DNAJB2: variants seen among roughly 807,000 people sequenced by gnomAD.
DNAJB2 encodes DnaJ heat shock protein family (Hsp40) member B2.
A neutral mutation model predicts 33.3 loss-of-function variants in DNAJB2; 19 were observed. The observed-to-expected ratio is 0.57, with a 90% CI of 0.40 to 0.84. The LOEUF (loss-of-function observed/expected upper bound fraction) is 0.84, where lower values mean the gene tolerates loss of function less well. Among genes scored for constraint, DNAJB2 ranks in the 40% least tolerant of loss-of-function variants. The probability of loss-of-function intolerance (pLI) is 0.00; values close to 1 mark genes in which losing one functional copy is unlikely to be tolerated. For missense variants in DNAJB2, 368 were observed against 430.9 expected, an observed-to-expected ratio of 0.85 and a Z score of 1.29; for synonymous variants, 172 against 164.6, an observed-to-expected ratio of 1.04 and a Z score of -0.34.
At chr2:219,280,801 C>A in intron 3 of DNAJB2, 114 bp downstream of exon 3, 1 of 781,460 alleles carries the variant, frequency 1.3e-6, no homozygotes, top group South Asian at 1.7e-5. Flanking sequence ...CTTTTTCCAG[C>A]CTGACATTTA....
Position 219,286,121 on chromosome 2 carries a change from T to TTTGGGGGGGGGGGGGGGGGGG in DNAJB2, c.*1134_*1135insTTGGGGGGGGGGGGGGGGGGG. ...GCTGAGTGTAGAGCCGGGGCCTGGG[T>TTTGGGGGGGGGGGGGGGGGGG]GGCGGGTGGGGGCCGGGTGGGAGGT... On this transcript the variant is annotated 3_prime_UTR_variant, in exon 9 of 9. Transcript: ENST00000336576. 1.3e-5 allele frequency: 1 copy of TTTGGGGGGGGGGGGGGGGGGG among 77,652 alleles called. No individual in the cohort carries two copies. Among genetic ancestry groups the TTTGGGGGGGGGGGGGGGGGGG allele is most frequent in the Non-Finnish European group, 2.3e-5 (1 of 44,174 alleles). 4.8% of individuals were successfully genotyped at this position (77,652 alleles called of 1,614,324 possible).
Position 219,279,856 on chromosome 2 carries a change from T to TAG in DNAJB2, c.25_26dup (p.Asp9GlufsTer66). 6.2e-7 allele frequency: 1 copy of TAG among 1,614,016 alleles called. No homozygotes were observed. The highest frequency in any genetic ancestry group is 8.5e-7 in the Non-Finnish European group (1 of 1,179,964). ...GCCATGGCATCCTACTACGAGATCCTAGACGTGCCGCGAAGTGCGTCCGCT... is the reference window on the plus strand; with the variant it reads ...GCCATGGCATCCTACTACGAGATCCTAGAGACGTGCCGCGAAGTGCGTCCGCT... On this transcript the variant is annotated frameshift_variant, in exon 2 of 9. Coordinates refer to ENST00000336576, the MANE Select transcript of DNAJB2 (RefSeq NM_006736.6). LOFTEE classifies it high-confidence loss of function. The surrounding 1 kb of genome is among the most constrained non-coding windows in gnomAD (Gnocchi z 4.9).
chr2:219,281,740 C>T lies in DNAJB2; in HGVS notation c.198C>T (p.Asp66=). 1 of 1,613,996 alleles carries T rather than the reference C, an allele frequency of 6.2e-7. No homozygotes were observed. Among genetic ancestry groups the T allele is most frequent in the Middle Eastern group, 1.7e-4 (1 of 6,058 alleles). Residue 66 remains aspartate, a synonymous_variant, in exon 4 of 9, where the codon GAC becomes GAT. Coordinates refer to ENST00000336576, the MANE Select transcript of DNAJB2 (RefSeq NM_006736.6). ...LSDKHKREIY[D]RYGREGLTGT... ...CAGAGCACAAGCGGGAGATTTACGA[C>T]CGCTATGGCCGGGAAGGGCTGACAG...
At chr2:219,281,679 C>G (rs1410612065) in intron 3 of DNAJB2, 39 bp from the exon 4 acceptor site, 2 of 1,613,196 alleles carry the variant, frequency 1.2e-6, no homozygotes, top group African/African-American at 2.7e-5. Context: ...GGGAGCCCAT[C>G]CCAGAGGGAG....
Position 219,281,921 on chromosome 2 carries a change from C to T in DNAJB2, c.230-18C>T, listed in dbSNP as rs770705479. The stretch of plus-strand genomic sequence containing the variant: ...CAGGATGCATGCCCTAAGCTCTCTC[C>T]TCATCCTGCCTTTCCAGGAACTGGC... On this transcript the variant is annotated intron_variant, in intron 4 of 8. Transcript: ENST00000336576. 1.2e-6 allele frequency: 2 copies of T among 1,613,568 alleles called. No individual in the cohort carries two copies. The highest frequency in any genetic ancestry group is 8.5e-7 in the Non-Finnish European group (1 of 1,179,852).
chr2:219,286,123 G>GCGGGTGGGGGC lies in DNAJB2; in HGVS notation c.*1145_*1155dup, dbSNP rs1376753002. The GCGGGTGGGGGC allele has an allele frequency of 1.1e-5, 11 of 961,602 alleles. No homozygotes were observed. The African/African-American group carries it at 1.7e-4, about 15-fold the overall frequency. The allele number at this position is 961,602 out of a possible 1,614,324, so 59.6% of individuals were successfully genotyped here. On this transcript the variant is annotated 3_prime_UTR_variant, in exon 9 of 9. Coordinates refer to ENST00000336576, the MANE Select transcript of DNAJB2 (RefSeq NM_006736.6). The stretch of plus-strand genomic sequence containing the variant: ...TGAGTGTAGAGCCGGGGCCTGGGTG[G>GCGGGTGGGGGC]CGGGTGGGGGCCGGGTGGGAGGTGG...
At chr2:219,284,136 C>G (rs1470898268) in intron 8 of DNAJB2, among the ~76,000 whole-genome samples, 1 of 152,102 alleles carries the variant, frequency 6.6e-6, no homozygotes, top group Non-Finnish European at 1.5e-5. Context: ...CGTGCTCAGC[C>G]CAGCACGATT....
Position 219,284,993 on chromosome 2 carries a change from G to C in DNAJB2, c.*6G>C. On this transcript the variant is annotated 3_prime_UTR_variant, in exon 9 of 9. Transcript: ENST00000336576. ...CTCGCTGCCTCATCCTCTGAACACCGGGCCCAACCTGATCTGATCCAGATC... is the reference window on the plus strand; with the variant it reads ...CTCGCTGCCTCATCCTCTGAACACCCGGCCCAACCTGATCTGATCCAGATC... 1 of 1,487,444 alleles carries C rather than the reference G, an allele frequency of 6.7e-7. No individual in the cohort carries two copies. The highest frequency in any genetic ancestry group is 1.4e-5 in the South Asian group (1 of 73,596). 92.1% of individuals were successfully genotyped at this position (1,487,444 alleles called of 1,614,324 possible).
intron 2 of DNAJB2, 128 bp downstream of exon 2, chr2:219,280,026 C>T: frequency 1.0e-6 from 1 of 962,312 alleles, no homozygotes; most frequent in Non-Finnish European, 1.6e-6. Context: ...GTGCTTCTTC[C>T]GAGTGACACC....
In DNAJB2 at chr2:219,285,553, C is replaced by T. The variant is rs779753412; in HGVS notation, c.*566C>T. The stretch of plus-strand genomic sequence containing the variant: ...CTCTGCAACTCCCTGCGGGCCGCAT[C>T]GCTTGCTTTCACTGCCGTCTGGCTA... On this transcript the variant is annotated 3_prime_UTR_variant, in exon 9 of 9. Coordinates refer to ENST00000336576, the MANE Select transcript of DNAJB2 (RefSeq NM_006736.6). The T allele has an allele frequency of 2.8e-4, 284 of 1,026,848 alleles. No individual in the cohort carries two copies. The highest frequency in any genetic ancestry group is 3.2e-4 in the Non-Finnish European group (276 of 856,468). 63.6% of individuals were successfully genotyped at this position (1,026,848 alleles called of 1,614,324 possible).
rs765125063 is a variant in DNAJB2 at position 219,285,982 on chromosome 2, C to A, written c.*995C>A. 5.0e-6 allele frequency: 8 copies of A among 1,612,722 alleles called. No individual in the cohort carries two copies. The highest frequency in any genetic ancestry group is 1.7e-4 in the Middle Eastern group (1 of 6,056). On this transcript the variant is annotated 3_prime_UTR_variant, in exon 9 of 9. Coordinates refer to ENST00000336576, the MANE Select transcript of DNAJB2 (RefSeq NM_006736.6). ...CCTGTCACCCCGCCCCTGCTCTCTCCCCAGATGTGTTCTGAGCTGGATGCC... is the reference window on the plus strand; with the variant it reads ...CCTGTCACCCCGCCCCTGCTCTCTCACCAGATGTGTTCTGAGCTGGATGCC...
chr2:219,284,540 T>C, intron 8 of DNAJB2, 92 bp from the exon 9 acceptor site: 1 of 1,461,642 alleles, frequency 6.8e-7, no homozygotes, highest in Non-Finnish European at 9.2e-7. Flanking sequence ...AATAAGAGAC[T>C]CTAAGTGGTC....
In DNAJB2 at chr2:219,285,814, G is replaced by A. The variant is rs566550210; in HGVS notation, c.*827G>A. 35 of 1,406,574 alleles carry A rather than the reference G, an allele frequency of 2.5e-5. No homozygotes were observed. In the East Asian group the frequency reaches 6.6e-4, roughly 27 times the overall value. 87.1% of individuals were successfully genotyped at this position (1,406,574 alleles called of 1,614,324 possible). On this transcript the variant is annotated 3_prime_UTR_variant, in exon 9 of 9. Coordinates refer to ENST00000336576, the MANE Select transcript of DNAJB2 (RefSeq NM_006736.6). ...CACCCTGAAGAGGTGGGATAGGACC[G>A]GGGGACCCCAGAGGGAGGCCTAGGA...
chr2:219,282,758 T>C (rs191235342), intron 5 of DNAJB2, 79 bp from the exon 6 acceptor site: 65 of 1,384,524 alleles, frequency 4.7e-5, no homozygotes, highest in Admixed American at 3.4e-4. Flanking sequence ...TAGTGGTTTA[T>C]ACTTCCAGAC....
At chr2:219,280,418 G>A (rs1253371929) in intron 2 of DNAJB2, among the ~76,000 whole-genome samples, 160 bp from the exon 3 acceptor site, 2 of 152,182 alleles carry the variant, frequency 1.3e-5, no homozygotes, top group Non-Finnish European at 2.9e-5. Context: ...GGAACTTGAT[G>A]AAAATATCAC....
intron 5 of DNAJB2, 136 bp from the exon 6 acceptor site, chr2:219,282,701 A>G (rs558705732): frequency 1.4e-6 from 1 of 716,642 alleles, no homozygotes; most frequent in East Asian, 2.9e-5. Context: ...GGAATTTATA[A>G]ATAAGCCCAA....
In DNAJB2 at chr2:219,279,692, G is replaced by A; in HGVS notation, c.-36-106G>A. 2 of 833,152 alleles carry A rather than the reference G, an allele frequency of 2.4e-6. No homozygotes were observed. Among genetic ancestry groups the A allele is most frequent in the Admixed American group, 2.4e-5 (1 of 41,090 alleles). 51.6% of individuals were successfully genotyped at this position (833,152 alleles called of 1,614,324 possible). A position where few individuals can be genotyped will look rare whatever the true frequency, so the allele number is the denominator to read the frequency against. ...ACCGGCCGCAAGCAGAGCCCGGTGT[G>A]CTCCGCTTCCAACTGGGAGCGCCTT... On this transcript the variant is annotated intron_variant, in intron 1 of 8. Coordinates refer to ENST00000336576, the MANE Select transcript of DNAJB2 (RefSeq NM_006736.6). This position sits in a 1 kb window ranked among gnomAD's most constrained non-coding sequence, Gnocchi z 4.9.
Position 219,286,097 on chromosome 2 carries a change from C to A in DNAJB2, c.*1110C>A. The A allele has an allele frequency of 1.9e-6, 2 of 1,048,894 alleles. No homozygotes were observed. The highest frequency in any genetic ancestry group is 2.5e-6 in the Non-Finnish European group (2 of 794,142). The allele number at this position is 1,048,894 out of a possible 1,614,324, so 65.0% of individuals were successfully genotyped here. Reference sequence around the variant, plus strand: ...CCTCCATTTCTCCCCCTCACCCATGCTGAGTGTAGAGCCGGGGCCTGGGTG... The same window carrying A: ...CCTCCATTTCTCCCCCTCACCCATGATGAGTGTAGAGCCGGGGCCTGGGTG... On this transcript the variant is annotated 3_prime_UTR_variant, in exon 9 of 9. Transcript: ENST00000336576.
In DNAJB2 at chr2:219,285,726, C is replaced by A; in HGVS notation, c.*739C>A. Reference sequence around the variant, plus strand: ...CCAGATTCAGAACTGGAGCCCACTCCTCCTCCCTCTCGTTGCCTCAGCCTG... The same window carrying A: ...CCAGATTCAGAACTGGAGCCCACTCATCCTCCCTCTCGTTGCCTCAGCCTG... On this transcript the variant is annotated 3_prime_UTR_variant, in exon 9 of 9. Coordinates refer to ENST00000336576, the MANE Select transcript of DNAJB2 (RefSeq NM_006736.6). 2 of 1,259,314 alleles carry A rather than the reference C, an allele frequency of 1.6e-6. No homozygotes were observed. Among genetic ancestry groups the A allele is most frequent in the Non-Finnish European group, 2.0e-6 (2 of 996,946 alleles). 78.0% of individuals were successfully genotyped at this position (1,259,314 alleles called of 1,614,324 possible).
Sources: gnomAD v4.1 joint callset for allele counts (sites outside exome capture counted in the v4.1 genomes callset) on GRCh38, gnomAD v4.1.1 for gene constraint, Gnocchi (gnomAD v3.1) non-coding constraint, MANE v1.5 for transcripts, NCBI Gene and HGNC (gene_info 2026-07-23, HGNC 2026-07-21) for gene names.